The following UST variants were observed in gnomAD, a reference collection of about 807,000 sequenced individuals.
UST encodes uronyl 2-sulfotransferase.
Under a neutral mutation model 45.6 loss-of-function variants are expected in UST, and 21 were observed. The observed-to-expected ratio is 0.46, with a 90% CI of 0.33 to 0.66. The LOEUF (loss-of-function observed/expected upper bound fraction) is 0.66. Ranked by LOEUF, UST falls within the 30% of genes least tolerant of loss-of-function variation. UST has a pLI of 0.02. For missense variants in UST, 463 were observed against 512.4 expected (o/e 0.90, Z 0.93); for synonymous variants, 215 against 200.6 (o/e 1.07, Z -0.61).
At chr6:148,913,683 T>C (rs1338237200) in intron 2 of UST, among the ~76,000 whole-genome samples, 1 of 152,204 alleles carries the variant, frequency 6.6e-6, no homozygotes, top group African/African-American at 2.4e-5. Context: ...TACAAACTTC[T>C]GATTTTATTA....
In UST at chr6:149,075,437, A is replaced by C. The variant is rs537309986; in HGVS notation, c.*1321A>C. 2 of 152,144 alleles carry C rather than the reference A, an allele frequency of 1.3e-5. No homozygotes were observed. The highest frequency in any genetic ancestry group is 4.8e-5 in the African/African-American group (2 of 41,426). 9.4% of individuals were successfully genotyped at this position (152,144 alleles called of 1,614,324 possible). On this transcript the variant is annotated 3_prime_UTR_variant, in exon 8 of 8. Transcript: ENST00000367463. ...CTGAGAACTCTTACTTGAGACATCA[A>C]AAAGAAGCAGCAAGAGCTTCTGGGA...
chr6:148,895,731 C>T (rs1779115109), intron 2 of UST, among the ~76,000 whole-genome samples: 1 of 152,186 alleles, frequency 6.6e-6, no homozygotes, highest in South Asian at 2.1e-4. Flanking sequence ...TGTCTGCTGC[C>T]ATGTGAGATG....
intron 1 of UST, among the ~76,000 whole-genome samples, chr6:148,825,394 C>G (rs1777551445): frequency 6.6e-6 from 1 of 152,150 alleles, no homozygotes; most frequent in Admixed American, 6.5e-5. Context: ...GTTAATTAAA[C>G]AGTGGGTGCC....
intron 1 of UST, among the ~76,000 whole-genome samples, chr6:148,795,394 C>T (rs964464411): frequency 2.6e-5 from 4 of 152,180 alleles, no homozygotes; most frequent in Non-Finnish European, 2.9e-5. Context: ...GCTTTGCTCA[C>T]AAGCACCTGC....
At chr6:149,049,908 G>GTCTCTC (rs138243742) in intron 7 of UST, among the ~76,000 whole-genome samples, 1 of 142,444 alleles carries the variant, frequency 7.0e-6, no homozygotes, top group East Asian at 2.1e-4. Flanking sequence ...AACTCACCTT[G>GTCTCTC]TCTCTCTCTC....
chr6:148,959,358 C>G (rs1009849738), intron 4 of UST, among the ~76,000 whole-genome samples: 2 of 152,232 alleles, frequency 1.3e-5, no homozygotes, highest in African/African-American at 2.4e-5. Flanking sequence ...AATCTCTTAT[C>G]TTTTGACAGA....
chr6:148,820,589 G>A (rs1343256391), intron 1 of UST, among the ~76,000 whole-genome samples: 1 of 147,910 alleles, frequency 6.8e-6, no homozygotes, highest in Non-Finnish European at 1.5e-5. Flanking sequence ...GGTGGCTCAT[G>A]CCTGTGATCC....
At chr6:148,980,443 G>T (rs1781108167) in intron 5 of UST, among the ~76,000 whole-genome samples, 1 of 152,162 alleles carries the variant, frequency 6.6e-6, no homozygotes, top group African/African-American at 2.4e-5. Context: ...GCATAGTGCT[G>T]CCAGATTAGC....
intron 5 of UST, among the ~76,000 whole-genome samples, chr6:148,986,706 A>C (rs1370605100): frequency 3.3e-5 from 5 of 152,206 alleles, no homozygotes; most frequent in Admixed American, 3.3e-4. Flanking sequence ...TCCCTGACAC[A>C]TTTCTGATGC....
chr6:149,016,569 C>T (rs1388832938), intron 5 of UST, among the ~76,000 whole-genome samples: 1 of 152,178 alleles, frequency 6.6e-6, no homozygotes, highest in Non-Finnish European at 1.5e-5. Flanking sequence ...AGTGAACAGT[C>T]TGTGCTCTGA....
At chr6:149,065,263 G>A (rs896697370) in intron 7 of UST, among the ~76,000 whole-genome samples, 7 of 152,162 alleles carry the variant, frequency 4.6e-5, no homozygotes, top group African/African-American at 1.2e-4. Context: ...TTCCTCTAGA[G>A]CTGCTATTAT....
rs561654726 is a variant in UST, at chr6:148,856,988, A to G, written c.248-29998A>G. Among the ~76,000 whole-genome samples the G allele has an allele frequency of 1.1e-4, 16 of 148,994 alleles. 1 individual carries two copies. The South Asian group carries it at 3.1e-3, about 29-fold the overall frequency. ...TATAATAAATTACATATATTATTAC[A>G]TATATTACTTATATATACATAATAT... On this transcript the variant is annotated intron_variant, in intron 1 of 7. Transcript: ENST00000367463.
At chr6:148,853,030 G>A (rs189212328) in intron 1 of UST, among the ~76,000 whole-genome samples, 2 of 152,258 alleles carry the variant, frequency 1.3e-5, no homozygotes, top group African/African-American at 4.8e-5. Context: ...AACGTGTGCC[G>A]TGGTGGTTTG....
intron 7 of UST, among the ~76,000 whole-genome samples, chr6:149,051,014 A>C (rs1562340076): frequency 6.6e-6 from 1 of 152,230 alleles, no homozygotes; most frequent in Non-Finnish European, 1.5e-5. Flanking sequence ...GCAGTTGGGC[A>C]GAAGGCACAA....
At chr6:148,804,488 T>G (rs1466773612) in intron 1 of UST, among the ~76,000 whole-genome samples, 2 of 152,194 alleles carry the variant, frequency 1.3e-5, no homozygotes, top group Non-Finnish European at 2.9e-5. Context: ...GGTGCTCCTC[T>G]GCGTGTTTAC....
At chr6:148,889,784 C>T (rs1778980809) in intron 2 of UST, among the ~76,000 whole-genome samples, 1 of 152,040 alleles carries the variant, frequency 6.6e-6, no homozygotes, top group Admixed American at 6.6e-5. Flanking sequence ...GTCCTGCCTG[C>T]CTCTTTGCTG....
At position 148,934,724 on chromosome 6, in the gene UST, ACTTC is replaced by A. The variant is rs1439152046; in HGVS notation, c.292-6552_292-6549del. Among the ~76,000 whole-genome samples the A allele has an allele frequency of 2.6e-5, 4 of 152,164 alleles. No homozygotes were observed. The highest frequency in any genetic ancestry group is 9.7e-5 in the African/African-American group (4 of 41,426). ...AAAGCTGGGAGTCCTCTGTGACAGCACTTCCTCAAAGCTGATGGAGTTGGCAGAG... is the reference window on the plus strand; with the variant it reads ...AAAGCTGGGAGTCCTCTGTGACAGCACTCAAAGCTGATGGAGTTGGCAGAG... On this transcript the variant is annotated intron_variant, in intron 2 of 7. Transcript: ENST00000367463. This position sits in a 1 kb window ranked among gnomAD's most constrained non-coding sequence, Gnocchi z 4.1.
chr6:148,801,270 T>C (rs2114717410), intron 1 of UST, among the ~76,000 whole-genome samples: 1 of 152,344 alleles, frequency 6.6e-6, no homozygotes. Flanking sequence ...GATTTCAGTG[T>C]ACTTCATCTG....
At chr6:148,928,637 T>C (rs1779864610) in intron 2 of UST, among the ~76,000 whole-genome samples, 1 of 152,206 alleles carries the variant, frequency 6.6e-6, no homozygotes, top group Non-Finnish European at 1.5e-5. Context: ...AAAAGAGCAT[T>C]CCATGATCAG....
Sources: gnomAD v4.1 joint callset for allele counts (sites outside exome capture counted in the v4.1 genomes callset) on GRCh38, gnomAD v4.1.1 for gene constraint, Gnocchi (gnomAD v3.1) non-coding constraint, MANE v1.5 for transcripts, NCBI Gene and HGNC (gene_info 2026-07-23, HGNC 2026-07-21) for gene names.